The following TAFA1 variants were observed in gnomAD, a reference collection of about 807,000 sequenced individuals.
TAFA1 encodes the protein chemokine-like protein TAFA-1.
Under a neutral mutation model 18.5 loss-of-function variants are expected in TAFA1, and 4 were observed. That is an observed-to-expected ratio of 0.22 (90% CI 0.11 to 0.49). TAFA1 has a LOEUF of 0.49. Ranked by LOEUF, TAFA1 falls within the 20% of genes least tolerant of loss-of-function variation. The pLI is 0.98. For synonymous variants in TAFA1, 56 were observed against 55.2 expected, an observed-to-expected ratio of 1.01 and a Z score of -0.06; for missense variants, 147 against 169.0, an observed-to-expected ratio of 0.87 and a Z score of 0.72.
chr3:68,282,297 C>T (rs1302619336), intron 2 of TAFA1, among the ~76,000 whole-genome samples: 3 of 152,104 alleles, frequency 2.0e-5, no homozygotes, highest in African/African-American at 7.2e-5. Flanking sequence ...TTCTTGATGA[C>T]GGTGATCATG....
chr3:68,283,395 G>A (rs949256379), intron 2 of TAFA1, among the ~76,000 whole-genome samples: 2 of 152,156 alleles, frequency 1.3e-5, no homozygotes, highest in African/African-American at 4.8e-5. Flanking sequence ...GTCAGGTATG[G>A]CCTAGTTTGA....
chr3:68,043,618 T>C (rs1339998461), intron 2 of TAFA1, among the ~76,000 whole-genome samples: 1 of 152,222 alleles, frequency 6.6e-6, no homozygotes, highest in Non-Finnish European at 1.5e-5. Flanking sequence ...GCTGGACTTT[T>C]GCCTTTTTTC....
intron 2 of TAFA1, among the ~76,000 whole-genome samples, chr3:68,280,410 ATTGTT>A (rs2067877545): frequency 6.6e-6 from 1 of 152,098 alleles, no homozygotes; most frequent in African/African-American, 2.4e-5. Context: ...TTGGTGGTTC[ATTGTT>A]AGGCAGTCTC....
At chr3:68,472,088 T>C (rs1434365722) in intron 3 of TAFA1, among the ~76,000 whole-genome samples, 1 of 152,076 alleles carries the variant, frequency 6.6e-6, no homozygotes, top group African/African-American at 2.4e-5. Flanking sequence ...GGGGGACCAG[T>C]GACAGAATGA....
chr3:68,474,656 G>A (rs1216269287), intron 3 of TAFA1, among the ~76,000 whole-genome samples: 1 of 152,136 alleles, frequency 6.6e-6, no homozygotes, highest in South Asian at 2.1e-4. Context: ...TTTATAAATC[G>A]TTGTAAATTA....
At chr3:68,332,090 C>A (rs182814293) in intron 2 of TAFA1, among the ~76,000 whole-genome samples, 1 of 151,678 alleles carries the variant, frequency 6.6e-6, no homozygotes, top group Admixed American at 6.6e-5. Flanking sequence ...GTCTCGATCT[C>A]CTGACCTCGT....
At chr3:68,369,390 G>A (rs1052748755) in intron 2 of TAFA1, among the ~76,000 whole-genome samples, 3 of 152,156 alleles carry the variant, frequency 2.0e-5, no homozygotes, top group African/African-American at 7.2e-5. Context: ...TATTGCTGAA[G>A]TTTAAAAAAT....
intron 3 of TAFA1, among the ~76,000 whole-genome samples, chr3:68,428,551 A>C (rs958662448): frequency 1.3e-5 from 2 of 151,906 alleles, no homozygotes; most frequent in Admixed American, 1.3e-4. Flanking sequence ...TTATGCACCA[A>C]CTCTGTAAGA....
intron 2 of TAFA1, among the ~76,000 whole-genome samples, chr3:68,147,111 T>A (rs1409346685): frequency 6.6e-6 from 1 of 151,708 alleles, no homozygotes; most frequent in Non-Finnish European, 1.5e-5. Flanking sequence ...ACTTTCTAGC[T>A]GGGGAGAGAC....
chr3:68,319,864 A>T (rs2106702701), intron 2 of TAFA1, among the ~76,000 whole-genome samples: 1 of 152,314 alleles, frequency 6.6e-6, no homozygotes, highest in East Asian at 1.9e-4. Flanking sequence ...TATCATACTG[A>T]GCTATTTAAA....
At chr3:68,047,178 T>C (rs779885611) in intron 2 of TAFA1, among the ~76,000 whole-genome samples, 4 of 152,194 alleles carry the variant, frequency 2.6e-5, no homozygotes, top group Non-Finnish European at 4.4e-5. Context: ...GCAGTTTTTC[T>C]TTCTTTAGAC....
At chr3:68,415,666 T>G (rs2070819730) in intron 2 of TAFA1, among the ~76,000 whole-genome samples, 1 of 149,884 alleles carries the variant, frequency 6.7e-6, no homozygotes. Flanking sequence ...GGTATTCTTA[T>G]TATAGGAAGT....
At chr3:68,178,786 A>C (rs1449085277) in intron 2 of TAFA1, among the ~76,000 whole-genome samples, 1 of 152,234 alleles carries the variant, frequency 6.6e-6, no homozygotes, top group African/African-American at 2.4e-5. Flanking sequence ...CCACGTAAGG[A>C]GTTTAGATTC....
At chr3:68,293,400 G>GA (rs1406098857) in intron 2 of TAFA1, among the ~76,000 whole-genome samples, 193 of 151,252 alleles carry the variant, frequency 1.3e-3, no homozygotes, top group African/African-American at 4.1e-3. Context: ...AATAAAAATA[G>GA]AAAAAAAAAT....
At chr3:68,494,447 T>C (rs1279858853) in intron 3 of TAFA1, among the ~76,000 whole-genome samples, 1 of 152,208 alleles carries the variant, frequency 6.6e-6, no homozygotes, top group African/African-American at 2.4e-5. Flanking sequence ...CCAGATGTTA[T>C]GCTGAATATC....
chr3:68,029,436 A>G (rs978003437), intron 2 of TAFA1, among the ~76,000 whole-genome samples: 13 of 152,258 alleles, frequency 8.5e-5, no homozygotes, highest in Non-Finnish European at 1.6e-4. Flanking sequence ...ACAGTTATAA[A>G]CATTGATTAA....
chr3:68,370,115 C>T (rs1045865830), intron 2 of TAFA1, among the ~76,000 whole-genome samples: 6 of 148,400 alleles, frequency 4.0e-5, no homozygotes, highest in African/African-American at 1.5e-4. Context: ...GGTGAAACCC[C>T]GTCTCTAATA....
intron 2 of TAFA1, among the ~76,000 whole-genome samples, chr3:68,071,316 A>C (rs866048841): frequency 2.6e-5 from 4 of 152,194 alleles, no homozygotes; most frequent in South Asian, 2.1e-4. Context: ...ATCTCGTGAG[A>C]CTTTTTCACT....
At chr3:68,525,806 T>G (rs1413586602) in intron 3 of TAFA1, among the ~76,000 whole-genome samples, 1 of 152,328 alleles carries the variant, frequency 6.6e-6, no homozygotes, top group East Asian at 1.9e-4. Flanking sequence ...CCCTAGAGAC[T>G]GCAAGAGCAC....
Sources: allele counts gnomAD v4.1 joint callset (sites outside exome capture counted in the v4.1 genomes callset), GRCh38; gene constraint gnomAD v4.1.1; transcripts MANE v1.5; gene names NCBI Gene and HGNC (gene_info 2026-07-23, HGNC 2026-07-21).